Variants in INSYN2A observed in about 807,000 individuals in gnomAD.
INSYN2A encodes the protein inhibitory synaptic factor 2A.
INSYN2A carries 17 observed loss-of-function variants against 39.4 expected under a neutral mutation model. That is an observed-to-expected ratio of 0.43 (90% confidence interval 0.30 to 0.65). The LOEUF is 0.65. Ranked by LOEUF, INSYN2A falls within the 30% of genes least tolerant of loss-of-function variation. The probability of loss-of-function intolerance (pLI) is 0.14; values close to 1 mark genes in which losing one functional copy is unlikely to be tolerated. For synonymous variants in INSYN2A, 255 were observed against 265.7 expected, an observed-to-expected ratio of 0.96 and a Z score of 0.39; for missense variants, 595 against 631.2, an observed-to-expected ratio of 0.94 and a Z score of 0.61.
chr10:127,166,360 C>T (rs773567738), intron 4 of INSYN2A, among the ~76,000 whole-genome samples: 2 of 151,894 alleles, frequency 1.3e-5, no homozygotes, highest in East Asian at 2.0e-4. Context: ...CCACCGCGCC[C>T]GGCCCAAAAA....
At chr10:127,187,519 A>G (rs1456838368) in intron 2 of INSYN2A, among the ~76,000 whole-genome samples, 1 of 152,154 alleles carries the variant, frequency 6.6e-6, no homozygotes, top group Non-Finnish European at 1.5e-5. Context: ...GTCTTTTAAA[A>G]GTTGTTTTGG....
At chr10:127,186,453 C>T (rs779309734) in intron 2 of INSYN2A, among the ~76,000 whole-genome samples, 1 of 144,292 alleles carries the variant, frequency 6.9e-6, no homozygotes, top group African/African-American at 2.5e-5. Flanking sequence ...GATAGACAAC[C>T]ATCAGATCTC....
intron 2 of INSYN2A, among the ~76,000 whole-genome samples, chr10:127,181,412 G>T (rs965116163): frequency 6.6e-6 from 1 of 152,190 alleles, no homozygotes; most frequent in African/African-American, 2.4e-5. Flanking sequence ...GTGCTGATTT[G>T]CAGGTTTGCA....
intron 4 of INSYN2A, among the ~76,000 whole-genome samples, chr10:127,174,885 T>G (rs978357553): frequency 1.3e-5 from 2 of 152,230 alleles, no homozygotes; most frequent in Admixed American, 1.3e-4. Flanking sequence ...TGGACTGGCA[T>G]ATGTTGTTAT....
chr10:127,181,999 A>T (rs1460364533), intron 2 of INSYN2A, among the ~76,000 whole-genome samples: 1 of 152,118 alleles, frequency 6.6e-6, no homozygotes, highest in East Asian at 1.9e-4. Context: ...GAGGTCACTG[A>T]TGAGGACCAA....
chr10:127,157,982 G>A (rs1281560160), intron 4 of INSYN2A, among the ~76,000 whole-genome samples: 1 of 152,174 alleles, frequency 6.6e-6, no homozygotes, highest in Non-Finnish European at 1.5e-5. Context: ...CTCAATAGAG[G>A]GCTTAAAACT....
chr10:127,157,020 C>T (rs536252114), intron 4 of INSYN2A, among the ~76,000 whole-genome samples: 3 of 152,254 alleles, frequency 2.0e-5, no homozygotes, highest in South Asian at 2.1e-4. Context: ...GAGACATTTG[C>T]GAATAAGATG....
Position 127,196,202 on chromosome 10 carries a change from C to CCCGGCCCTGCTGGCCCGG in INSYN2A, c.-618_-601dup, listed in dbSNP as rs1199548072. On this transcript the variant is annotated 5_prime_UTR_variant, in exon 1 of 6. Transcript: ENST00000522781. ...TGCCCGCCCCCTCCACCGCTGCCGG[C>CCCGGCCCTGCTGGCCCGG]CCGGCCCTGCTGGCCCGGCCGGCCC... The CCCGGCCCTGCTGGCCCGG allele has an allele frequency of 1.3e-5, 2 of 149,778 alleles. No homozygotes were observed. Among genetic ancestry groups the CCCGGCCCTGCTGGCCCGG allele is most frequent in the Admixed American group, 6.6e-5 (1 of 15,052 alleles). 9.3% of individuals were successfully genotyped at this position (149,778 alleles called of 1,614,324 possible). A position where few individuals can be genotyped will look rare whatever the true frequency, so the allele number is the denominator to read the frequency against.
At chr10:127,144,059 C>T (rs1336742814) in intron 5 of INSYN2A, among the ~76,000 whole-genome samples, 3 of 152,164 alleles carry the variant, frequency 2.0e-5, no homozygotes, top group Admixed American at 2.0e-4. Flanking sequence ...ACCCTCAGAA[C>T]ACCCGGTGTC....
chr10:127,137,940 A>G lies in INSYN2A; in HGVS notation c.1337T>C (p.Val446Ala), dbSNP rs895983871. ...CTCCTGAGAGTAAGGCGAAGGTATG[A>G]CCTGAGTTTCCTCAATAGGGTGGAG... is the stretch of plus-strand genomic sequence containing the variant. Reference protein sequence around the residue: ...RKLHPIEETQVIPSPYSQETY... With the variant: ...RKLHPIEETQAIPSPYSQETY... The change falls in exon 6 of 6, where the codon GTC becomes GCC. Residue 446 changes from valine (V) to alanine (A), a missense_variant. Physicochemically the swap from Val to Ala is moderately conservative, Grantham distance 64 (BLOSUM62 0). Coordinates refer to ENST00000522781, the MANE Select transcript of INSYN2A (RefSeq NM_001039762.3). The G allele has an allele frequency of 6.2e-7, 1 of 1,614,004 alleles. No homozygotes were observed. The highest frequency in any genetic ancestry group is 1.3e-5 in the African/African-American group (1 of 74,912).
At chr10:127,181,573 G>A (rs1048374415) in intron 2 of INSYN2A, among the ~76,000 whole-genome samples, 18 of 152,160 alleles carry the variant, frequency 1.2e-4, no homozygotes, top group Non-Finnish European at 2.9e-5. Flanking sequence ...GAAATTATGG[G>A]TTTTCCTAGT....
chr10:127,165,936 G>A (rs1033335131), intron 4 of INSYN2A, among the ~76,000 whole-genome samples: 1 of 152,220 alleles, frequency 6.6e-6, no homozygotes, highest in Non-Finnish European at 1.5e-5. Context: ...TTCTCCAGAA[G>A]ATGAATTGGC....
At chr10:127,183,071 CTTTTTTTTTTTTTTTT>C (rs3066813) in intron 2 of INSYN2A, among the ~76,000 whole-genome samples, 1 of 88,634 alleles carries the variant, frequency 1.1e-5, no homozygotes, top group African/African-American at 4.3e-5. Flanking sequence ...TATGGTGAAT[CTTTTTTTTTTTTTTTT>C]TTTTTTTTTA....
At chr10:127,149,837 T>A (rs992364296) in intron 5 of INSYN2A, among the ~76,000 whole-genome samples, 16 of 152,200 alleles carry the variant, frequency 1.1e-4, no homozygotes, top group African/African-American at 3.6e-4. Flanking sequence ...CCCGGGGTGT[T>A]CCAGGCATCC....
intron 5 of INSYN2A, among the ~76,000 whole-genome samples, chr10:127,152,057 G>C (rs1194092333): frequency 6.6e-6 from 1 of 151,830 alleles, no homozygotes; most frequent in Non-Finnish European, 1.5e-5. Flanking sequence ...TATTACGTAG[G>C]TTTAGGCTGA....
chr10:127,149,572 T>C (rs980121431), intron 5 of INSYN2A, among the ~76,000 whole-genome samples: 1 of 152,198 alleles, frequency 6.6e-6, no homozygotes, highest in African/African-American at 2.4e-5. Flanking sequence ...CAGGCATTAC[T>C]GGAAACACGG....
chr10:127,135,515 C>A lies in INSYN2A; in HGVS notation c.*2322G>T, dbSNP rs2050614807. ...ATCTCTATATGCAATGCCATGTGTA[C>A]ATCTACATAAGGGAACCCTGTGCGT... On this transcript the variant is annotated 3_prime_UTR_variant, in exon 6 of 6. Coordinates refer to ENST00000522781, the MANE Select transcript of INSYN2A (RefSeq NM_001039762.3). 1 of 152,600 alleles carries A rather than the reference C, an allele frequency of 6.6e-6. No individual in the cohort carries two copies. Among genetic ancestry groups the A allele is most frequent in the Admixed American group, 6.5e-5 (1 of 15,278 alleles). The allele number at this position is 152,600 out of a possible 1,614,324, so 9.5% of individuals were successfully genotyped here.
chr10:127,148,197 T>G (rs1187882108), intron 5 of INSYN2A, among the ~76,000 whole-genome samples: 1 of 152,174 alleles, frequency 6.6e-6, no homozygotes, highest in Non-Finnish European at 1.5e-5. Context: ...CCAGTCAGGT[T>G]CCAAGCCCAC....
At chr10:127,162,587 C>T (rs1714685094) in intron 4 of INSYN2A, among the ~76,000 whole-genome samples, 1 of 152,216 alleles carries the variant, frequency 6.6e-6, no homozygotes, top group Non-Finnish European at 1.5e-5. Context: ...ACATCCCATT[C>T]CCCTAAAGCC....
Sources: gnomAD v4.1 joint callset for allele counts (sites outside exome capture counted in the v4.1 genomes callset) on GRCh38, gnomAD v4.1.1 for gene constraint, MANE v1.5 for transcripts, NCBI Gene and HGNC (gene_info 2026-07-23, HGNC 2026-07-21) for gene names.